The following PUM1 variants were observed in gnomAD, a reference collection of about 807,000 sequenced individuals.
PUM1 encodes pumilio RNA binding family member 1.
Under a neutral mutation model 131.8 loss-of-function variants are expected in PUM1, and 13 were observed. The observed-to-expected ratio is 0.10, with a 90% CI of 0.06 to 0.16. The LOEUF (loss-of-function observed/expected upper bound fraction) is 0.16, where lower values mean the gene tolerates loss of function less well. PUM1 is among the 10% of genes least tolerant of loss of function. The pLI is 1.00. For missense variants in PUM1, 961 were observed against 1,512.4 expected (o/e 0.64, Z 6.05); for synonymous variants, 509 against 556.5 (o/e 0.91, Z 1.20).
chr1:30,991,106 A>G (rs1024577856), intron 7 of PUM1, among the ~76,000 whole-genome samples: 6 of 152,168 alleles, frequency 3.9e-5, no homozygotes, highest in African/African-American at 1.4e-4. Context: ...TTTTGTTCAT[A>G]AGAAATCTGA....
intron 2 of PUM1, chr1:31,037,389 C>T (rs1284003568): frequency 6.6e-6 from 1 of 152,160 alleles, no homozygotes; most frequent in Non-Finnish European, 1.5e-5. Context: ...TTTATTAAGT[C>T]TGGGTATCTA....
At chr1:31,036,301 C>A (rs1643610089) in intron 2 of PUM1, among the ~76,000 whole-genome samples, 1 of 152,066 alleles carries the variant, frequency 6.6e-6, no homozygotes, top group African/African-American at 2.4e-5. Flanking sequence ...TGAACTCCGA[C>A]CTCATGATCC....
At chr1:31,057,405 CAAAAAAAA>C (rs1223950994) in intron 2 of PUM1, among the ~76,000 whole-genome samples, 1 of 68,758 alleles carries the variant, frequency 1.5e-5, no homozygotes, top group Non-Finnish European at 2.6e-5. Context: ...GACCTTGTCT[CAAAAAAAA>C]AAAAAAAAAG....
intron 2 of PUM1, among the ~76,000 whole-genome samples, chr1:31,038,978 ATATATATTTTTTTT>A (rs1643716832): frequency 3.3e-5 from 1 of 30,034 alleles, no homozygotes; most frequent in Non-Finnish European, 5.3e-5. Flanking sequence ...ATATATATAT[ATATATATTTTTTTT>A]TTTTTTTTCC....
intron 9 of PUM1, among the ~76,000 whole-genome samples, chr1:30,976,089 C>CAAA (rs11398686): frequency 0.019 from 2,551 of 131,202 alleles, 49 homozygotes; most frequent in Middle Eastern, 0.061. Flanking sequence ...AGTGTGTCTC[C>CAAA]AAAAAAAAAA....
intron 17 of PUM1, among the ~76,000 whole-genome samples, chr1:30,946,005 G>A (rs904612656): frequency 2.0e-5 from 3 of 151,686 alleles, no homozygotes; most frequent in Non-Finnish European, 2.9e-5. Flanking sequence ...AGGCTGTCTC[G>A]AACTCCTGAC....
chr1:30,961,098 G>A (rs1640385487), intron 14 of PUM1, among the ~76,000 whole-genome samples: 1 of 151,962 alleles, frequency 6.6e-6, no homozygotes, highest in Admixed American at 6.5e-5. Context: ...GGAGGCTGAG[G>A]CAGGAGAATC....
chr1:30,936,823 C>G lies in PUM1; in HGVS notation c.3255G>C (p.Glu1085Asp). The G allele has an allele frequency of 6.2e-7, 1 of 1,610,062 alleles. No individual in the cohort carries two copies. Among genetic ancestry groups the G allele is most frequent in the Non-Finnish European group, 8.5e-7 (1 of 1,177,134 alleles). ...TACGTGAGGCGTGAGTAACACACTTCTCCACAACATTGCTGTAATGAGATA... is the reference window on the plus strand; with the variant it reads ...TACGTGAGGCGTGAGTAACACACTTGTCCACAACATTGCTGTAATGAGATA... Reference protein sequence around the residue: ...SQHKFASNVVEKCVTHASRTE... With the variant: ...SQHKFASNVVDKCVTHASRTE... Residue 1085 changes from glutamate (E) to aspartate (D), a missense_variant, in exon 21 of 22, where the codon GAG (glutamate) becomes GAC (aspartate). Coordinates refer to ENST00000426105, the MANE Select transcript of PUM1 (RefSeq NM_001020658.2).
At chr1:31,041,620 G>C (rs1643818775) in intron 2 of PUM1, among the ~76,000 whole-genome samples, 3 of 152,012 alleles carry the variant, frequency 2.0e-5, no homozygotes, top group African/African-American at 7.2e-5. Context: ...ATTCACACAA[G>C]AGCTGGCTGT....
intron 20 of PUM1, among the ~76,000 whole-genome samples, chr1:30,939,267 T>C (rs1557543432): frequency 6.6e-6 from 1 of 152,348 alleles, no homozygotes; most frequent in East Asian, 1.9e-4. Flanking sequence ...AACTTGGCTA[T>C]AGTCAAACTA....
At position 31,015,592 on chromosome 1, in the gene PUM1, C is replaced by T. The variant is rs1642785205; in HGVS notation, c.433-8490G>A. On this transcript the variant is annotated intron_variant, in intron 3 of 21. Coordinates refer to ENST00000426105, the MANE Select transcript of PUM1 (RefSeq NM_001020658.2). Reference sequence around the variant, plus strand: ...TCCTGATCTCGTGATCTGCCCACCTCGGCCTCCCAAAGTGCTGGGATTACA... The same window carrying T: ...TCCTGATCTCGTGATCTGCCCACCTTGGCCTCCCAAAGTGCTGGGATTACA... Among the ~76,000 whole-genome samples, 5 of 152,098 alleles carry T rather than the reference C, an allele frequency of 3.3e-5. No homozygotes were observed. The South Asian group carries it at 1.0e-3, about 32-fold the overall frequency.
At chr1:30,955,433 C>T (rs1640120618) in intron 14 of PUM1, among the ~76,000 whole-genome samples, 2 of 150,582 alleles carry the variant, frequency 1.3e-5, no homozygotes, top group African/African-American at 4.9e-5. Context: ...CCACTGCACT[C>T]CAGCCTGGGC....
At chr1:30,961,973 G>A (rs1640433558) in intron 14 of PUM1, among the ~76,000 whole-genome samples, 1 of 152,170 alleles carries the variant, frequency 6.6e-6, no homozygotes, top group South Asian at 2.1e-4. Context: ...GAAATGTTAT[G>A]TTTCTTATAC....
At chr1:31,031,390 T>TGCACGC (rs1425895565) in intron 2 of PUM1, among the ~76,000 whole-genome samples, 2 of 152,220 alleles carry the variant, frequency 1.3e-5, no homozygotes, top group African/African-American at 2.4e-5. Context: ...AAAAAAAGTA[T>TGCACGC]GCACTGTGTA....
intron 7 of PUM1, among the ~76,000 whole-genome samples, chr1:30,982,829 G>C (rs1392408677): frequency 2.6e-5 from 4 of 152,154 alleles, no homozygotes; most frequent in African/African-American, 9.7e-5. Context: ...TGAAGATATT[G>C]GCCAATTTCA....
At chr1:30,944,384 T>C (rs968630034) in intron 18 of PUM1, among the ~76,000 whole-genome samples, 3 of 152,186 alleles carry the variant, frequency 2.0e-5, no homozygotes, top group African/African-American at 7.2e-5. Flanking sequence ...TGTAAGGACT[T>C]TGTGTTTTGG....
chr1:31,018,297 C>T (rs935906570), intron 3 of PUM1, among the ~76,000 whole-genome samples: 1 of 151,380 alleles, frequency 6.6e-6, no homozygotes, highest in Non-Finnish European at 1.5e-5. Flanking sequence ...TGCAGTGAGC[C>T]GAGATCTCGC....
intron 3 of PUM1, among the ~76,000 whole-genome samples, chr1:31,021,685 G>A (rs1473380094): frequency 6.6e-6 from 1 of 152,116 alleles, no homozygotes; most frequent in Non-Finnish European, 1.5e-5. Context: ...CTGGGGCTTT[G>A]ATAAGCCACA....
At chr1:31,038,984 A>ATATATATATATT in intron 2 of PUM1, among the ~76,000 whole-genome samples, 127 of 49,352 alleles carry the variant, frequency 2.6e-3, no homozygotes, top group Non-Finnish European at 3.1e-3. Flanking sequence ...ATATATATAT[A>ATATATATATATT]TTTTTTTTTT....
Sources: gnomAD v4.1 joint callset for allele counts (sites outside exome capture counted in the v4.1 genomes callset) on GRCh38, gnomAD v4.1.1 for gene constraint, MANE v1.5 for transcripts, NCBI Gene and HGNC (gene_info 2026-07-23, HGNC 2026-07-21) for gene names.